The following SPP2 variants were observed in gnomAD, a reference collection of about 807,000 sequenced individuals.
SPP2 encodes secreted phosphoprotein 2, also known as secreted phosphoprotein 24.
In SPP2, 34 loss-of-function variants were observed where a neutral mutation model predicts 28.8. The ratio of observed to expected loss-of-function variants is 1.18; its 90% CI spans 0.90 to 1.57. The LOEUF (loss-of-function observed/expected upper bound fraction) is 1.57, where lower values mean the gene tolerates loss of function less well. Among genes scored for constraint, SPP2 ranks in the 40% most tolerant of loss-of-function variants. The pLI, the probability that SPP2 is intolerant of heterozygous loss-of-function variation, is 0.00. For synonymous variants in SPP2, 96 were observed against 89.4 expected (o/e 1.07, Z -0.42); for missense variants, 269 against 263.9 (o/e 1.02, Z -0.13).
At chr2:234,072,417 C>T (rs250975) in intron 7 of SPP2, among the ~76,000 whole-genome samples, 51,350 of 151,376 alleles carry the variant, frequency 0.34, 9,218 homozygotes, top group Non-Finnish European at 0.4. Flanking sequence ...TACAGAACAT[C>T]ATGGGTTATG....
intron 4 of SPP2, among the ~76,000 whole-genome samples, chr2:234,063,672 C>T (rs959481357): frequency 2.0e-5 from 3 of 152,294 alleles, no homozygotes; most frequent in South Asian, 2.1e-4. Flanking sequence ...CACTCAACCT[C>T]GTACTGGTGC....
intron 2 of SPP2, among the ~76,000 whole-genome samples, chr2:234,052,273 C>A (rs1325513695): frequency 6.6e-6 from 1 of 152,160 alleles, no homozygotes; most frequent in Non-Finnish European, 1.5e-5. Context: ...ACAGAACCCC[C>A]TTTCCTTGCT....
chr2:234,071,893 C>A (rs1164840209), intron 7 of SPP2, among the ~76,000 whole-genome samples: 1 of 152,206 alleles, frequency 6.6e-6, no homozygotes, highest in Non-Finnish European at 1.5e-5. Context: ...CAAACCACCA[C>A]CACTGAATCA....
chr2:234,056,693 T>C (rs1693614564), intron 2 of SPP2, among the ~76,000 whole-genome samples: 1 of 152,128 alleles, frequency 6.6e-6, no homozygotes, highest in Non-Finnish European at 1.5e-5. Context: ...CTTCAGTTGA[T>C]GGGAGAGATT....
At chr2:234,073,783 T>C (rs1346293420) in intron 7 of SPP2, among the ~76,000 whole-genome samples, 1 of 152,210 alleles carries the variant, frequency 6.6e-6, no homozygotes, top group African/African-American at 2.4e-5. Context: ...ATCTTGATTA[T>C]TAGTGTGAAG....
chr2:234,060,497 T>C lies in SPP2; in HGVS notation c.444+18T>C, dbSNP rs762811776. Reference sequence around the variant, plus strand: ...GCGAAGAGGTATGACTGGGGCCTTGTCTCCTCCCAGACCGCACCTCTTAGG... The same window carrying C: ...GCGAAGAGGTATGACTGGGGCCTTGCCTCCTCCCAGACCGCACCTCTTAGG... On this transcript the variant is annotated intron_variant, in intron 4 of 7. Coordinates refer to ENST00000168148, the MANE Select transcript of SPP2 (RefSeq NM_006944.3). The C allele has an allele frequency of 6.3e-7, 1 of 1,597,338 alleles. No individual in the cohort carries two copies. The highest frequency in any genetic ancestry group is 1.1e-5 in the South Asian group (1 of 90,510).
chr2:234,057,973 AAC>A (rs1285705913), intron 2 of SPP2, among the ~76,000 whole-genome samples: 1 of 152,224 alleles, frequency 6.6e-6, no homozygotes, highest in Admixed American at 6.5e-5. Flanking sequence ...TGAATTAGCA[AAC>A]ACAGAATCAT....
intron 4 of SPP2, among the ~76,000 whole-genome samples, chr2:234,063,751 TC>T (rs1693765400): frequency 6.6e-6 from 1 of 152,160 alleles, no homozygotes; most frequent in South Asian, 2.1e-4. Flanking sequence ...GCTCTCTTTC[TC>T]TTTCTTCAGT....
chr2:234,052,722 C>T (rs1163349469), intron 2 of SPP2, among the ~76,000 whole-genome samples: 1 of 152,208 alleles, frequency 6.6e-6, no homozygotes. Flanking sequence ...CTATTCTTGC[C>T]TCTCCCTGCC....
chr2:234,069,719 G>A (rs250977), intron 6 of SPP2, among the ~76,000 whole-genome samples: 51,898 of 151,818 alleles, frequency 0.34, 9,400 homozygotes, highest in Non-Finnish European at 0.4. Flanking sequence ...AGAAATGAGC[G>A]CTAGACCAAG....
chr2:234,063,274 A>T (rs1395557710), intron 4 of SPP2, among the ~76,000 whole-genome samples: 3 of 152,112 alleles, frequency 2.0e-5, no homozygotes, highest in Non-Finnish European at 4.4e-5. Context: ...ACTGAAAAAA[A>T]CTCCCAGAGT....
At chr2:234,055,753 G>A (rs2125452480) in intron 2 of SPP2, among the ~76,000 whole-genome samples, 1 of 151,908 alleles carries the variant, frequency 6.6e-6, no homozygotes, top group South Asian at 2.1e-4. Context: ...GGTATACAAT[G>A]TATTTTTAAA....
At chr2:234,055,978 C>T (rs1010439021) in intron 2 of SPP2, 1 of 152,070 alleles carries the variant, frequency 6.6e-6, no homozygotes, top group Admixed American at 6.5e-5. Flanking sequence ...TATACATGTG[C>T]TATGTTGGTG....
At position 234,065,853 on chromosome 2, in the gene SPP2, T is replaced by C. The variant is rs923389176; in HGVS notation, c.445-680T>C. 1.3e-5 allele frequency among the ~76,000 whole-genome samples: 2 copies of C among 152,242 alleles called. 1 individual carries two copies. The highest frequency in any genetic ancestry group is 4.1e-4 in the South Asian group (2 of 4,828). ...AGTCTTACATTAGGTCTATGATCCA[T>C]GTTGACTTGATTTTTGCATATGTTG... On this transcript the variant is annotated intron_variant, in intron 4 of 7. Coordinates refer to ENST00000168148, the MANE Select transcript of SPP2 (RefSeq NM_006944.3).
chr2:234,057,286 G>A (rs114388022), intron 2 of SPP2, among the ~76,000 whole-genome samples: 1,525 of 152,138 alleles, frequency 0.01, 29 homozygotes, highest in African/African-American at 0.035. Context: ...TACCTGACAC[G>A]CTCCATCTCT....
Position 234,069,777 on chromosome 2 carries a change from T to A in SPP2, c.551-151T>A, listed in dbSNP as rs1448953812. ...AGGAGAGAGAATGGAATAAGGAAGA[T>A]GAAGTTATCGCACCCTCAGGTATTC... On this transcript the variant is annotated intron_variant, in intron 6 of 7. Transcript: ENST00000168148. 5 of 592,352 alleles carry A rather than the reference T, an allele frequency of 8.4e-6. No individual in the cohort carries two copies. The Admixed American group carries it at 9.8e-5, about 12-fold the overall frequency. 36.7% of individuals were successfully genotyped at this position (592,352 alleles called of 1,614,324 possible).
chr2:234,052,569 G>A (rs1693519628), intron 2 of SPP2, among the ~76,000 whole-genome samples: 3 of 152,144 alleles, frequency 2.0e-5, no homozygotes, highest in Admixed American at 6.6e-5. Flanking sequence ...TGCCATCTTG[G>A]TATAGTCACC....
chr2:234,069,501 A>G (rs1488407321), intron 6 of SPP2, among the ~76,000 whole-genome samples: 1 of 152,166 alleles, frequency 6.6e-6, no homozygotes, highest in Non-Finnish European at 1.5e-5. Context: ...AAATCTAAAA[A>G]CACATTGGGC....
chr2:234,068,100 G>T (rs1025547178), intron 6 of SPP2, among the ~76,000 whole-genome samples: 2 of 152,178 alleles, frequency 1.3e-5, no homozygotes, highest in African/African-American at 2.4e-5. Context: ...CTCCTGTACA[G>T]ATCAGTTTTC....
Sources: allele counts gnomAD v4.1 joint callset (sites outside exome capture counted in the v4.1 genomes callset), GRCh38; gene constraint gnomAD v4.1.1; transcripts MANE v1.5; gene names NCBI Gene and HGNC (gene_info 2026-07-23, HGNC 2026-07-21).